The following CFAP46 variants were observed in gnomAD, a reference collection of about 807,000 sequenced individuals.
CFAP46 encodes cilia and flagella associated protein 46.
A neutral mutation model predicts 325.7 loss-of-function variants in CFAP46; 245 were observed. That is an observed-to-expected ratio of 0.75 (90% confidence interval 0.68 to 0.84). The LOEUF (loss-of-function observed/expected upper bound fraction) is 0.84, where lower values mean the gene tolerates loss of function less well. Ranked by LOEUF, CFAP46 falls within the 40% of genes least tolerant of loss-of-function variation. CFAP46 has a pLI of 0.00. For synonymous variants in CFAP46, 1,523 were observed against 1,495.9 expected, an observed-to-expected ratio of 1.02 and a Z score of -0.42; for missense variants, 3,346 against 3,543.0, an observed-to-expected ratio of 0.94 and a Z score of 1.41.
intron 11 of CFAP46, 90 bp downstream of exon 11, chr10:132,924,606 G>A: frequency 7.9e-7 from 1 of 1,270,626 alleles, no homozygotes; most frequent in Non-Finnish European, 1.0e-6. Context: ...GCACTGTCAT[G>A]GCAAGGGGGC....
At position 132,920,139 on chromosome 10, in the gene CFAP46, C is replaced by T. The variant is rs1047237609; in HGVS notation, c.1650G>A (p.Ala550=). The stretch of plus-strand genomic sequence containing the variant: ...CGCTGACGGTGTGGTGCCACGCCTT[C>T]GCACAGAGGTAGGTGAACCGGCCCC... ...KNRGRFTYLC[A]KAWHHTVSVD... The change falls in exon 14 of 58, where the codon GCG becomes GCA. Residue 550 remains alanine, a synonymous_variant. Transcript: ENST00000368586. 3 of 1,548,878 alleles carry T rather than the reference C, an allele frequency of 1.9e-6. No homozygotes were observed. The highest frequency in any genetic ancestry group is 2.6e-6 in the Non-Finnish European group (3 of 1,146,368).
intron 31 of CFAP46, 54 bp from the exon 32 acceptor site, chr10:132,872,878 A>G (rs1169403526): frequency 1.3e-6 from 2 of 1,541,478 alleles, no homozygotes; most frequent in Non-Finnish European, 1.8e-6. Context: ...GTAGACCACA[A>G]GCATAAGGGT....
At chr10:132,918,847 C>T (rs1484828402) in intron 15 of CFAP46, among the ~76,000 whole-genome samples, 1 of 152,208 alleles carries the variant, frequency 6.6e-6, no homozygotes, top group Non-Finnish European at 1.5e-5. Context: ...CTGACTCCTG[C>T]AGGACTCCCA....
chr10:132,867,571 T>C, intron 33 of CFAP46, 64 bp from the exon 34 acceptor site: 1 of 1,517,302 alleles, frequency 6.6e-7, no homozygotes. Flanking sequence ...CCTTCACGAG[T>C]AACCAAAGAA....
At chr10:132,813,968 T>G (rs575995192) in intron 54 of CFAP46, among the ~76,000 whole-genome samples, 184 bp downstream of exon 54, 1 of 152,276 alleles carries the variant, frequency 6.6e-6, no homozygotes, top group Non-Finnish European at 1.5e-5. Flanking sequence ...TAAAGCAGGG[T>G]AACAGTGCCC....
intron 39 of CFAP46, among the ~76,000 whole-genome samples, chr10:132,855,199 T>C (rs1848623383): frequency 6.6e-6 from 1 of 152,230 alleles, no homozygotes; most frequent in Non-Finnish European, 1.5e-5. Context: ...TCATTGATTG[T>C]GAAACTCTGT....
Position 132,916,659 on chromosome 10 carries a change from T to C in CFAP46, c.2010A>G (p.Ser670=). 2.0e-6 allele frequency: 3 copies of C among 1,495,806 alleles called. No individual in the cohort carries two copies. Among genetic ancestry groups the C allele is most frequent in the South Asian group, 1.3e-5 (1 of 77,360 alleles). 92.7% of individuals were successfully genotyped at this position (1,495,806 alleles called of 1,614,324 possible). A position where few individuals can be genotyped will look rare whatever the true frequency, so the allele number is the denominator to read the frequency against. The part of the protein sequence containing the change: ...HAEATVHLLR[S]EGVELNDRAI... ...CCCGGTCATTCAGCTCTACACCTTC[T>C]GACCGCAGCAAATGAACCGTGGCCT... The change falls in exon 17 of 58, where the codon TCA becomes TCG. Residue 670 remains serine, a synonymous_variant. Transcript: ENST00000368586.
At chr10:132,822,468 GAT>G (rs1847882147) in intron 50 of CFAP46, among the ~76,000 whole-genome samples, 1 of 141,636 alleles carries the variant, frequency 7.1e-6, no homozygotes. Flanking sequence ...TGTGAGTGCT[GAT>G]GTGTGCTGTG....
At chr10:132,834,621 G>T in intron 48 of CFAP46, 33 bp downstream of exon 48, 1 of 1,609,824 alleles carries the variant, frequency 6.2e-7, no homozygotes, top group Non-Finnish European at 8.5e-7. Flanking sequence ...CGTGAGCGTG[G>T]TGGGGTGCCA....
intron 37 of CFAP46, among the ~76,000 whole-genome samples, chr10:132,859,757 G>A (rs1848697882): frequency 6.6e-6 from 1 of 152,226 alleles, no homozygotes; most frequent in African/African-American, 2.4e-5. Flanking sequence ...CCTGAGTCAG[G>A]CAGAAATCCG....
intron 25 of CFAP46, among the ~76,000 whole-genome samples, chr10:132,887,002 C>T (rs1469594617): frequency 6.6e-6 from 1 of 151,978 alleles, no homozygotes; most frequent in East Asian, 1.9e-4. Context: ...TCTCTTCTCT[C>T]TCTCTCGCCT....
chr10:132,916,624 G>C lies in CFAP46; in HGVS notation c.2045C>G (p.Pro682Arg), dbSNP rs535562854. ...AGCTGGGTGCTGGCTCAGGTCTTCG[G>C]GGGGGATGGCCCGGTCATTCAGCTC... ...GVELNDRAIP[P>R]EDLSQHPAGY... The change falls in exon 17 of 58, where the codon CCC becomes CGC. Residue 682 changes from proline to arginine, a missense_variant. Coordinates refer to ENST00000368586, the MANE Select transcript of CFAP46 (RefSeq NM_001200049.3). The C allele has an allele frequency of 1.6e-5, 24 of 1,540,600 alleles. No homozygotes were observed. Among genetic ancestry groups the C allele is most frequent in the East Asian group, 5.0e-5 (2 of 40,144 alleles).
chr10:132,867,343 C>G (rs574616419), intron 34 of CFAP46, 32 bp downstream of exon 34: 1 of 1,534,098 alleles, frequency 6.5e-7, no homozygotes, highest in East Asian at 2.5e-5. Flanking sequence ...CGCTGGGCTG[C>G]GGGTCAGAGG....
chr10:132,911,410 G>A (rs1356425043), intron 19 of CFAP46, among the ~76,000 whole-genome samples: 1 of 152,212 alleles, frequency 6.6e-6, no homozygotes, highest in African/African-American at 2.4e-5. Flanking sequence ...GGGTCATGCA[G>A]GATGAGCTTT....
intron 25 of CFAP46, among the ~76,000 whole-genome samples, chr10:132,891,213 G>T (rs11814821): frequency 0.079 from 12,010 of 152,200 alleles, 1,218 homozygotes; most frequent in African/African-American, 0.23. Flanking sequence ...CCTGGACAAG[G>T]TTCATGTAAA....
rs1849571207 is a variant in CFAP46, at chr10:132,912,658, C to T, written c.2496G>A (p.Val832=). The T allele has an allele frequency of 1.3e-6, 2 of 1,545,702 alleles. No individual in the cohort carries two copies. Among genetic ancestry groups the T allele is most frequent in the Non-Finnish European group, 8.7e-7 (1 of 1,145,730 alleles). ...CTCGGCATCATGGAGGTGGTACCTC[C>T]ACCGCTGTTTTGATCTCGGAAGTGG... ...AGATSEIKTA[V]EVCEFALNLT... The change falls in exon 19 of 58, where the codon GTG becomes GTA. Residue 832 remains valine, a synonymous_variant. Transcript: ENST00000368586.
intron 9 of CFAP46, among the ~76,000 whole-genome samples, chr10:132,928,973 C>T (rs1207604177): frequency 6.6e-6 from 1 of 152,102 alleles, no homozygotes; most frequent in Non-Finnish European, 1.5e-5. Context: ...AGGGAAAAAT[C>T]CTAAACGCAG....
At chr10:132,856,062 C>T (rs1195219101) in intron 39 of CFAP46, among the ~76,000 whole-genome samples, 1 of 152,324 alleles carries the variant, frequency 6.6e-6, no homozygotes. Context: ...GGAGAAACAT[C>T]TTTATCTCAC....
chr10:132,941,645 G>A lies in CFAP46; in HGVS notation c.252C>T (p.Gly84=), dbSNP rs1850103982. Residue 84 remains glycine (G), a synonymous_variant, in exon 3 of 58, where the codon GGC becomes GGT. Coordinates refer to ENST00000368586, the MANE Select transcript of CFAP46 (RefSeq NM_001200049.3). ...TCTGGGCCCTGCACAGGTGCGCTCGGCCCAGAAACTGGGTGATGGGCGCCT... is the reference window on the plus strand; with the variant it reads ...TCTGGGCCCTGCACAGGTGCGCTCGACCCAGAAACTGGGTGATGGGCGCCT... ...KVKAPITQFL[G]RAHLCRAQMC... is the part of the protein sequence containing the mutation. 2 of 1,614,036 alleles carry A rather than the reference G, an allele frequency of 1.2e-6. No individual in the cohort carries two copies. Among genetic ancestry groups the A allele is most frequent in the Non-Finnish European group, 8.5e-7 (1 of 1,180,038 alleles).
Sources: gnomAD v4.1 joint callset for allele counts (sites outside exome capture counted in the v4.1 genomes callset) on GRCh38, gnomAD v4.1.1 for gene constraint, MANE v1.5 for transcripts, NCBI Gene and HGNC (gene_info 2026-07-23, HGNC 2026-07-21) for gene names.